The following EML5 variants were observed in gnomAD, a reference collection of about 807,000 sequenced individuals.
The protein encoded by EML5 is echinoderm microtubule-associated protein-like 5.
In EML5, 120 loss-of-function variants were observed where a neutral mutation model predicts 250.0. The observed-to-expected ratio is 0.48, with a 90% CI of 0.41 to 0.56. The LOEUF (loss-of-function observed/expected upper bound fraction) is 0.56, where lower values mean the gene tolerates loss of function less well. Among genes scored for constraint, EML5 ranks in the 20% least tolerant of loss-of-function variants. The pLI, the probability that EML5 is intolerant of heterozygous loss-of-function variation, is 0.00. For missense variants in EML5, 2,006 were observed against 2,437.6 expected (o/e 0.82, Z 3.73); for synonymous variants, 771 against 806.5 (o/e 0.96, Z 0.75).
chr14:88,668,663 G>C (rs1229748274), intron 21 of EML5, among the ~76,000 whole-genome samples: 3 of 152,106 alleles, frequency 2.0e-5, no homozygotes, highest in Non-Finnish European at 4.4e-5. Context: ...ATAGTAGTGA[G>C]GTCAATTATC....
intron 32 of EML5, among the ~76,000 whole-genome samples, chr14:88,635,299 A>G (rs2090659200): frequency 6.6e-6 from 1 of 152,212 alleles, no homozygotes; most frequent in Non-Finnish European, 1.5e-5. Context: ...CATGAGGAAA[A>G]ACAGAATAAA....
chr14:88,727,263 C>T (rs547190854), intron 7 of EML5, among the ~76,000 whole-genome samples: 1 of 152,208 alleles, frequency 6.6e-6, no homozygotes, highest in South Asian at 2.1e-4. Context: ...TATGGTAATG[C>T]ACATAGCGGT....
chr14:88,647,357 G>A (rs1318123612), intron 28 of EML5, among the ~76,000 whole-genome samples: 5 of 151,456 alleles, frequency 3.3e-5, no homozygotes, highest in Admixed American at 6.6e-5. Context: ...GACAGAGCAC[G>A]ACTCCATCTC....
intron 30 of EML5, 74 bp from the exon 31 acceptor site, chr14:88,643,096 A>T (rs1286364795): frequency 4.4e-6 from 6 of 1,373,934 alleles, no homozygotes; most frequent in Non-Finnish European, 4.9e-6. Flanking sequence ...TTGTATACGT[A>T]ATACTAGTAG....
chr14:88,731,520 A>T (rs534492839), intron 7 of EML5, among the ~76,000 whole-genome samples: 352 of 152,302 alleles, frequency 2.3e-3, no homozygotes, highest in Non-Finnish European at 4.4e-3. Flanking sequence ...ATAGTGCCAC[A>T]ATAAACATAC....
intron 8 of EML5, among the ~76,000 whole-genome samples, chr14:88,725,044 T>C (rs1201722003): frequency 6.6e-6 from 1 of 152,206 alleles, no homozygotes; most frequent in Non-Finnish European, 1.5e-5. Flanking sequence ...CTTTAATTTA[T>C]ATTCAAATGT....
intron 1 of EML5, among the ~76,000 whole-genome samples, chr14:88,779,304 G>A (rs1444728151): frequency 1.3e-5 from 2 of 152,134 alleles, no homozygotes; most frequent in African/African-American, 4.8e-5. Flanking sequence ...CATATCAGAA[G>A]TTTAAATATA....
chr14:88,704,817 A>G (rs780321056), intron 13 of EML5, 43 bp downstream of exon 13: 1 of 1,494,094 alleles, frequency 6.7e-7, no homozygotes, highest in Non-Finnish European at 9.3e-7. Context: ...AGTAAGTGTG[A>G]ACCAAAATTC....
chr14:88,738,191 A>G (rs2093874065), intron 6 of EML5, among the ~76,000 whole-genome samples: 1 of 152,158 alleles, frequency 6.6e-6, no homozygotes, highest in African/African-American at 2.4e-5. Flanking sequence ...CATGCTTATT[A>G]TGTGCTATCC....
chr14:88,776,688 G>A (rs938258345), intron 1 of EML5, among the ~76,000 whole-genome samples: 2 of 150,566 alleles, frequency 1.3e-5, no homozygotes, highest in East Asian at 2.0e-4. Context: ...CAAGACCAAC[G>A]TGCGTAACAT....
Position 88,685,076 on chromosome 14 carries a change from C to T in EML5, c.2921G>A (p.Gly974Asp). ...ISLGHGHILV[G>D]TKNGEILEVD... is the part of the protein sequence containing the mutation. ...TTCTAGTATTTCACCATTCTTTGTG[C>T]CAACTAAAATATGACCATGTCCTAA... Residue 974 changes from glycine (G) to aspartate (D), a missense_variant, in exon 20 of 44, where the codon GGC (glycine) becomes GAC (aspartate). Physicochemically the swap from Gly to Asp is moderately conservative, Grantham distance 94. Transcript: ENST00000554922. The T allele has an allele frequency of 6.2e-7, 1 of 1,611,084 alleles. No homozygotes were observed. The highest frequency in any genetic ancestry group is 8.5e-7 in the Non-Finnish European group (1 of 1,178,452).
intron 23 of EML5, 22 bp downstream of exon 23, chr14:88,664,471 A>C: frequency 3.8e-6 from 6 of 1,571,870 alleles, no homozygotes; most frequent in Non-Finnish European, 5.2e-6. Context: ...TTTATCAAGT[A>C]TTAAGTTATT....
chr14:88,759,845 C>T (rs935389495), intron 1 of EML5, among the ~76,000 whole-genome samples: 1 of 152,070 alleles, frequency 6.6e-6, no homozygotes, highest in Non-Finnish European at 1.5e-5. Flanking sequence ...CAGTTTTCCA[C>T]AGTAGTTGTA....
chr14:88,731,517 C>T (rs1469851050), intron 7 of EML5, among the ~76,000 whole-genome samples: 3 of 152,016 alleles, frequency 2.0e-5, no homozygotes, highest in African/African-American at 7.2e-5. Context: ...TGAATAGTGC[C>T]ACAATAAACA....
At chr14:88,726,721 A>C in intron 7 of EML5, 43 bp from the exon 8 acceptor site, 1 of 1,388,322 alleles carries the variant, frequency 7.2e-7, no homozygotes. Flanking sequence ...TAGCTAATGC[A>C]TACTTTAGTA....
intron 20 of EML5, among the ~76,000 whole-genome samples, chr14:88,683,780 G>T (rs1445615320): frequency 6.6e-6 from 1 of 152,084 alleles, no homozygotes; most frequent in Non-Finnish European, 1.5e-5. Flanking sequence ...CACAAATTTG[G>T]AATAAAAGGG....
At chr14:88,772,185 CTAT>C (rs2035723984) in intron 1 of EML5, among the ~76,000 whole-genome samples, 1 of 152,162 alleles carries the variant, frequency 6.6e-6, no homozygotes, top group Admixed American at 6.5e-5. Flanking sequence ...CTCATGCATT[CTAT>C]TAGCCTGTCC....
intron 8 of EML5, among the ~76,000 whole-genome samples, chr14:88,719,025 A>G (rs1480241751): frequency 1.3e-5 from 2 of 152,228 alleles, no homozygotes; most frequent in African/African-American, 4.8e-5. Flanking sequence ...GATCCCTTTT[A>G]AAGTTGATAA....
At chr14:88,691,029 A>T (rs1349100645) in intron 17 of EML5, among the ~76,000 whole-genome samples, 1 of 152,174 alleles carries the variant, frequency 6.6e-6, no homozygotes, top group East Asian at 1.9e-4. Flanking sequence ...GGCTGTAACT[A>T]GCATCTGCCC....
Sources: allele counts gnomAD v4.1 joint callset (sites outside exome capture counted in the v4.1 genomes callset), GRCh38; gene constraint gnomAD v4.1.1; transcripts MANE v1.5; gene names NCBI Gene and HGNC (gene_info 2026-07-23, HGNC 2026-07-21).